GPM6A: variants seen among roughly 807,000 people sequenced by gnomAD.
GPM6A encodes glycoprotein M6A.
In GPM6A, 7 loss-of-function variants were observed where a neutral mutation model predicts 32.1. The observed-to-expected ratio is 0.22, with a 90% CI of 0.12 to 0.41. The LOEUF is 0.41. Among genes scored for constraint, GPM6A ranks in the 10% least tolerant of loss-of-function variants. The pLI, the probability that GPM6A is intolerant of heterozygous loss-of-function variation, is 1.00. For missense variants in GPM6A, 235 were observed against 347.2 expected, an observed-to-expected ratio of 0.68 and a Z score of 2.57; for synonymous variants, 130 against 123.4, an observed-to-expected ratio of 1.05 and a Z score of -0.35.
chr4:175,784,365 A>T lies in GPM6A; in HGVS notation c.37+27826T>A, dbSNP rs150298782. Reference sequence around the variant, plus strand: ...ATAGTTTCTTGGATTGTATCCTAGAACATTAAGTGACATTAGCAGATAATT... The same window carrying T: ...ATAGTTTCTTGGATTGTATCCTAGATCATTAAGTGACATTAGCAGATAATT... On this transcript the variant is annotated intron_variant, in intron 1 of 6. Transcript: ENST00000393658. 2.7e-3 allele frequency among the ~76,000 whole-genome samples: 407 copies of T among 152,300 alleles called. 4 individuals are homozygous for T. Among genetic ancestry groups the T allele is most frequent in the African/African-American group, 9.3e-3 (386 of 41,578 alleles).
chr4:175,787,321 C>T, intron 1 of GPM6A: 3 of 1,496,430 alleles, frequency 2.0e-6, no homozygotes, highest in Non-Finnish European at 2.7e-6. Flanking sequence ...CCACCAAAGT[C>T]ACCCTTGACC....
chr4:175,743,563 A>C (rs1051275853), intron 1 of GPM6A, among the ~76,000 whole-genome samples: 1 of 152,066 alleles, frequency 6.6e-6, no homozygotes, highest in Non-Finnish European at 1.5e-5. Context: ...CTAAATATAA[A>C]TGCACTAAAT....
chr4:175,879,588 C>G (rs1411486449), intron 1 of GPM6A, among the ~76,000 whole-genome samples: 1 of 152,024 alleles, frequency 6.6e-6, no homozygotes, highest in African/African-American at 2.4e-5. Context: ...GAAACTGTCC[C>G]CATAATTCAA....
chr4:175,797,174 C>T (rs1324687497), intron 1 of GPM6A, among the ~76,000 whole-genome samples: 1 of 152,114 alleles, frequency 6.6e-6, no homozygotes, highest in Non-Finnish European at 1.5e-5. Flanking sequence ...CATAATTCAA[C>T]AGCACATGGT....
chr4:175,842,147 A>G (rs779557725), intron 1 of GPM6A, among the ~76,000 whole-genome samples: 2 of 152,260 alleles, frequency 1.3e-5, no homozygotes, highest in South Asian at 2.1e-4. Context: ...TAATTTCCCT[A>G]TGGTAACAGC....
chr4:175,804,445 G>C (rs1734600307), intron 1 of GPM6A, among the ~76,000 whole-genome samples: 2 of 151,952 alleles, frequency 1.3e-5, no homozygotes, highest in Admixed American at 1.3e-4. Flanking sequence ...GTTTGTGTGA[G>C]GTTTTCTCTT....
At chr4:175,738,594 A>G (rs1434056596) in intron 1 of GPM6A, among the ~76,000 whole-genome samples, 7 of 152,162 alleles carry the variant, frequency 4.6e-5, no homozygotes, top group African/African-American at 1.7e-4. Flanking sequence ...GAATGGGGTC[A>G]AAATGAATGG....
At chr4:175,908,966 G>A (rs1005221061) in intron 1 of GPM6A, among the ~76,000 whole-genome samples, 2 of 135,038 alleles carry the variant, frequency 1.5e-5, no homozygotes, top group African/African-American at 5.6e-5. Flanking sequence ...TTTTCCCATC[G>A]CTCTTGAACG....
At chr4:175,795,763 T>A (rs1301169386) in intron 1 of GPM6A, 1 of 152,012 alleles carries the variant, frequency 6.6e-6, no homozygotes, top group African/African-American at 2.4e-5. Flanking sequence ...TAAAATGAAA[T>A]ATGATAAAAT....
intron 1 of GPM6A, among the ~76,000 whole-genome samples, 192 bp from the exon 2 acceptor site, chr4:175,701,959 A>G (rs1329696938): frequency 6.6e-6 from 1 of 152,172 alleles, no homozygotes; most frequent in Non-Finnish European, 1.5e-5. Context: ...TCCACAAATA[A>G]GAGAATGTTT....
At chr4:175,672,371 G>A (rs917623174) in intron 3 of GPM6A, among the ~76,000 whole-genome samples, 1 of 152,116 alleles carries the variant, frequency 6.6e-6, no homozygotes, top group African/African-American at 2.4e-5. Context: ...AACTTGCCAA[G>A]GCACACCAGT....
chr4:175,913,052 T>C (rs977853992), intron 1 of GPM6A, among the ~76,000 whole-genome samples: 2 of 152,228 alleles, frequency 1.3e-5, no homozygotes, highest in Non-Finnish European at 2.9e-5. Context: ...TAGCATTTTC[T>C]GTAGAAAATT....
chr4:175,983,485 G>A lies in GPM6A; in HGVS notation c.-23+18824C>T, dbSNP rs190755802. On this transcript the variant is annotated intron_variant, in intron 1 of 7. Coordinates refer to the GPM6A transcript ENST00000280187. ...CTATTCCTAGTTAAAGAAATTTATCGTGAATGGATGCTAAAACTTTGTCTA... is the reference window on the plus strand; with the variant it reads ...CTATTCCTAGTTAAAGAAATTTATCATGAATGGATGCTAAAACTTTGTCTA... Among the ~76,000 whole-genome samples the A allele has an allele frequency of 2.6e-4, 40 of 152,184 alleles. 1 individual carries two copies. The highest frequency in any genetic ancestry group is 1.4e-3 in the Admixed American group (22 of 15,288).
intron 1 of GPM6A, among the ~76,000 whole-genome samples, chr4:175,780,512 A>C (rs1338822441): frequency 6.6e-6 from 1 of 152,244 alleles, no homozygotes; most frequent in African/African-American, 2.4e-5. Flanking sequence ...ATGAACGGCT[A>C]TCATGCAGTT....
rs953662117 is a variant in GPM6A, at chr4:175,932,410, G to C, written c.-23+69899C>G. On this transcript the variant is annotated intron_variant, in intron 1 of 7. Transcript: ENST00000280187. ...ATCAAGGCGCCATCTTGGAAACAAAGAGCAGCCCTCACCAGACACCAAACC... is the reference window on the plus strand; with the variant it reads ...ATCAAGGCGCCATCTTGGAAACAAACAGCAGCCCTCACCAGACACCAAACC... 5.9e-5 allele frequency among the ~76,000 whole-genome samples: 9 copies of C among 152,182 alleles called. No individual in the cohort carries two copies. In the East Asian group the frequency reaches 1.5e-3, roughly 26 times the overall value.
intron 1 of GPM6A, among the ~76,000 whole-genome samples, chr4:175,760,748 G>C (rs770703067): frequency 6.6e-6 from 1 of 152,012 alleles, no homozygotes; most frequent in South Asian, 2.1e-4. Flanking sequence ...GAGAGAGAGA[G>C]AGAGAAATAG....
chr4:175,872,821 C>G (rs1736953910), intron 1 of GPM6A: 1 of 152,112 alleles, frequency 6.6e-6, no homozygotes, highest in Admixed American at 6.5e-5. Context: ...AAATAAAATT[C>G]TAAAATTTAC....
At chr4:175,680,094 C>T (rs1743597815) in intron 2 of GPM6A, among the ~76,000 whole-genome samples, 1 of 152,130 alleles carries the variant, frequency 6.6e-6, no homozygotes, top group African/African-American at 2.4e-5. Context: ...TACACACACA[C>T]ATCAATATAT....
chr4:175,841,785 T>G (rs894509950), intron 1 of GPM6A, among the ~76,000 whole-genome samples: 35 of 152,322 alleles, frequency 2.3e-4, no homozygotes, highest in South Asian at 6.2e-4. Flanking sequence ...GGCTGATTTT[T>G]AAAATTATCA....
Sources: gnomAD v4.1 joint callset for allele counts (sites outside exome capture counted in the v4.1 genomes callset) on GRCh38, gnomAD v4.1.1 for gene constraint, MANE v1.5 for transcripts, NCBI Gene and HGNC (gene_info 2026-07-23, HGNC 2026-07-21) for gene names.